The following ADGRA2 variants were observed in gnomAD, a reference collection of about 807,000 sequenced individuals.
ADGRA2 encodes adhesion G protein-coupled receptor A2.
A neutral mutation model predicts 98.7 loss-of-function variants in ADGRA2; 61 were observed. The ratio of observed to expected loss-of-function variants is 0.62; its 90% CI spans 0.50 to 0.76. The LOEUF is 0.76. ADGRA2 is among the 30% of genes least tolerant of loss of function. The pLI is 0.00. For missense variants in ADGRA2, 1,712 were observed against 1,860.0 expected (o/e 0.92, Z 1.46); for synonymous variants, 858 against 831.5 (o/e 1.03, Z -0.55).
At chr8:37,804,862 A>G (rs1804615047) in intron 1 of ADGRA2, among the ~76,000 whole-genome samples, 1 of 152,246 alleles carries the variant, frequency 6.6e-6, no homozygotes. Flanking sequence ...AACAAGTACA[A>G]GCGTACTCAC....
Position 37,843,766 on chromosome 8 carries a change from C to G in ADGRA2, c.*1411C>G, listed in dbSNP as rs112689448. ...AGAAAAAAAAAAGCTTTGTATTATTCTTCCACATATGCTGGCTGCTGTTTA... is the reference window on the plus strand; with the variant it reads ...AGAAAAAAAAAAGCTTTGTATTATTGTTCCACATATGCTGGCTGCTGTTTA... On this transcript the variant is annotated 3_prime_UTR_variant, in exon 19 of 19. Transcript: ENST00000412232. 2 of 152,504 alleles carry G rather than the reference C, an allele frequency of 1.3e-5. No homozygotes were observed. Among genetic ancestry groups the G allele is most frequent in the Non-Finnish European group, 2.9e-5 (2 of 68,024 alleles). The allele number at this position is 152,504 out of a possible 1,614,324, so 9.4% of individuals were successfully genotyped here.
chr8:37,824,447 G>T lies in ADGRA2; in HGVS notation c.339-4441G>T, dbSNP rs187503632. The stretch of plus-strand genomic sequence containing the variant: ...ATTTGCAAATATTTTCTCTCATTTT[G>T]TGGTTCTCTTTCACTTTCTTGATGG... On this transcript the variant is annotated intron_variant, in intron 2 of 18. Coordinates refer to ENST00000412232, the MANE Select transcript of ADGRA2 (RefSeq NM_032777.10). 2.0e-5 allele frequency among the ~76,000 whole-genome samples: 3 copies of T among 148,770 alleles called. No homozygotes were observed. In the East Asian group the frequency reaches 5.9e-4, roughly 29 times the overall value.
chr8:37,841,004 CCTGTCTCCCCAACCACCCCGG>C lies in ADGRA2; in HGVS notation c.2748-80_2748-60del. The C allele has an allele frequency of 7.3e-7, 1 of 1,378,870 alleles. No homozygotes were observed. Among genetic ancestry groups the C allele is most frequent in the Non-Finnish European group, 1.0e-6 (1 of 995,050 alleles). The allele number at this position is 1,378,870 out of a possible 1,614,324, so 85.4% of individuals were successfully genotyped here. Reference sequence around the variant, plus strand: ...GTCCTTGTCTCCGTACTCACCATATCCTGTCTCCCCAACCACCCCGGCCCCCAGCCCCACCCCAGCCATGCC... The same window carrying C: ...GTCCTTGTCTCCGTACTCACCATATCCCCCCAGCCCCACCCCAGCCATGCC... On this transcript the variant is annotated intron_variant, in intron 18 of 18. Coordinates refer to ENST00000412232, the MANE Select transcript of ADGRA2 (RefSeq NM_032777.10). The surrounding 1 kb of genome is among the most constrained non-coding windows in gnomAD (Gnocchi z 5.0).
chr8:37,836,697 G>A (rs1805625615), intron 13 of ADGRA2, among the ~76,000 whole-genome samples: 3 of 152,162 alleles, frequency 2.0e-5, no homozygotes, highest in Admixed American at 2.0e-4. Flanking sequence ...TTCACCTTCT[G>A]CAAACTGCAC....
At chr8:37,808,762 G>A (rs1462676265) in intron 1 of ADGRA2, among the ~76,000 whole-genome samples, 1 of 151,830 alleles carries the variant, frequency 6.6e-6, no homozygotes, top group East Asian at 1.9e-4. Flanking sequence ...GACTAGCCTG[G>A]GTAACATAGT....
Position 37,829,341 on chromosome 8 carries a change from T to C in ADGRA2, c.482+9T>C, listed in dbSNP as rs980682853. The C allele has an allele frequency of 8.7e-6, 14 of 1,610,948 alleles. No individual in the cohort carries two copies. The highest frequency in any genetic ancestry group is 1.1e-5 in the Non-Finnish European group (13 of 1,177,652). The stretch of plus-strand genomic sequence containing the variant: ...CCCAGGCTTCTCCGACTGTAAGTGA[T>C]GGGGTGAGAAGTGGGGAGGGGAGGA... On this transcript the variant is annotated intron_variant, in intron 4 of 18. Coordinates refer to ENST00000412232, the MANE Select transcript of ADGRA2 (RefSeq NM_032777.10).
chr8:37,821,229 C>T (rs1805116399), intron 2 of ADGRA2, among the ~76,000 whole-genome samples: 1 of 152,182 alleles, frequency 6.6e-6, no homozygotes, highest in African/African-American at 2.4e-5. Flanking sequence ...AGTGCCTCTC[C>T]CAGCCCTGGG....
intron 11 of ADGRA2, 148 bp from the exon 12 acceptor site, chr8:37,835,025 TA>T (rs10542666): frequency 0.034 from 17,407 of 505,924 alleles, 14 homozygotes; most frequent in Admixed American, 0.059. Context: ...TCTGTTCCTC[TA>T]AAAAAAAAAA....
chr8:37,822,709 A>G (rs895917591), intron 2 of ADGRA2, among the ~76,000 whole-genome samples: 1 of 152,156 alleles, frequency 6.6e-6, no homozygotes, highest in Non-Finnish European at 1.5e-5. Flanking sequence ...TTTTATATAA[A>G]TGAAATCATG....
At chr8:37,827,627 G>C (rs1261228293) in intron 2 of ADGRA2, among the ~76,000 whole-genome samples, 1 of 152,230 alleles carries the variant, frequency 6.6e-6, no homozygotes, top group Non-Finnish European at 1.5e-5. Flanking sequence ...GACACTGCGG[G>C]CTCCTGCGGA....
At chr8:37,818,639 C>T (rs1377507332) in intron 2 of ADGRA2, among the ~76,000 whole-genome samples, 1 of 152,236 alleles carries the variant, frequency 6.6e-6, no homozygotes, top group African/African-American at 2.4e-5. Context: ...CTCACTGAGC[C>T]CTTCTATGTG....
At chr8:37,839,785 A>G (rs1332066195) in intron 16 of ADGRA2, among the ~76,000 whole-genome samples, 163 bp downstream of exon 16, 1 of 152,108 alleles carries the variant, frequency 6.6e-6, no homozygotes, top group Non-Finnish European at 1.5e-5. Flanking sequence ...TGGGTCGTGG[A>G]GAGTGAAAGT....
At chr8:37,809,953 T>G (rs7013416) in intron 1 of ADGRA2, among the ~76,000 whole-genome samples, 1 of 151,912 alleles carries the variant, frequency 6.6e-6, no homozygotes, top group Non-Finnish European at 1.5e-5. Flanking sequence ...TCCTCTGGGG[T>G]AGGTCCCCGA....
In ADGRA2 at chr8:37,840,744, C is replaced by G. The variant is rs1805763374; in HGVS notation, c.2658-16C>G. ...TTTCCCCATCTCTGGGACCCCCAAT[C>G]CCTCATTCCCTCCAGGTTCTATTTG... is the stretch of plus-strand genomic sequence containing the variant. On this transcript the variant is annotated splice_polypyrimidine_tract_variant and intron_variant, in intron 17 of 18. Transcript: ENST00000412232. 7.0e-7 allele frequency: 1 copy of G among 1,420,608 alleles called. No individual in the cohort carries two copies. The highest frequency in any genetic ancestry group is 9.9e-7 in the Non-Finnish European group (1 of 1,005,196). 88.0% of individuals were successfully genotyped at this position (1,420,608 alleles called of 1,614,324 possible).
intron 16 of ADGRA2, among the ~76,000 whole-genome samples, 172 bp downstream of exon 16, chr8:37,839,794 G>A (rs899017457): frequency 3.9e-5 from 6 of 152,172 alleles, no homozygotes. Flanking sequence ...GAGAGTGAAA[G>A]TAGGGGGTGG....
chr8:37,832,868 C>T (rs1482683786), intron 8 of ADGRA2, 142 bp from the exon 9 acceptor site: 3 of 674,536 alleles, frequency 4.4e-6, no homozygotes, highest in East Asian at 5.0e-5. Context: ...AACTTGGGAA[C>T]CCCTGGAAGG....
chr8:37,813,393 C>G (rs1374953667), intron 1 of ADGRA2, among the ~76,000 whole-genome samples: 1 of 152,140 alleles, frequency 6.6e-6, no homozygotes, highest in Non-Finnish European at 1.5e-5. Flanking sequence ...ATAAAACTAT[C>G]CTAACTCATA....
chr8:37,822,400 C>T (rs1805151565), intron 2 of ADGRA2, among the ~76,000 whole-genome samples: 1 of 129,894 alleles, frequency 7.7e-6, no homozygotes, highest in Non-Finnish European at 1.6e-5. Flanking sequence ...CACACACACA[C>T]ACACACACAG....
At chr8:37,840,702 C>T in intron 17 of ADGRA2, 58 bp from the exon 18 acceptor site, 2 of 878,098 alleles carry the variant, frequency 2.3e-6, no homozygotes, top group African/African-American at 3.3e-5. Flanking sequence ...CTCTAAGCAC[C>T]CAGTTCTTCC....
Sources: allele counts gnomAD v4.1 joint callset (sites outside exome capture counted in the v4.1 genomes callset), GRCh38; gene constraint gnomAD v4.1.1; non-coding constraint Gnocchi (gnomAD v3.1); transcripts MANE v1.5; gene names NCBI Gene and HGNC (gene_info 2026-07-23, HGNC 2026-07-21).